SBK3: variants seen among roughly 807,000 people sequenced by gnomAD.
SBK3 encodes uncharacterized serine/threonine-protein kinase SBK3.
A neutral mutation model predicts 12.7 loss-of-function variants in SBK3; 16 were observed. The ratio of observed to expected loss-of-function variants is 1.26; its 90% confidence interval spans 0.86 to 1.92. SBK3 has a LOEUF of 1.92. SBK3 is among the 40% of genes most tolerant of loss of function. SBK3 has a pLI of 0.00. For missense variants in SBK3, 462 were observed against 481.8 expected (o/e 0.96, Z 0.38); for synonymous variants, 217 against 213.6 (o/e 1.02, Z -0.14).
chr19:55,544,447 CCTT>C, intron 2 of SBK3, 145 bp from the exon 3 acceptor site: 1 of 713,188 alleles, frequency 1.4e-6, no homozygotes, highest in Admixed American at 2.9e-5. Context: ...TGGGAGGAGA[CCTT>C]CTTTGAAGAC....
chr19:55,544,562 C>T (rs909162204), intron 2 of SBK3, among the ~76,000 whole-genome samples: 4 of 152,192 alleles, frequency 2.6e-5, no homozygotes, highest in African/African-American at 9.6e-5. Flanking sequence ...ACGGTGGTGA[C>T]TTGGGTTCCA....
At chr19:55,543,081 C>A (rs1988597638) in intron 3 of SBK3, among the ~76,000 whole-genome samples, 1 of 139,016 alleles carries the variant, frequency 7.2e-6, no homozygotes. Context: ...ACTCACCCAC[C>A]AAACCTTTCA....
In SBK3 at chr19:55,540,699, C is replaced by T. The variant is rs553243803; in HGVS notation, c.*147G>A. ...TGGGTCCTCAGTTGGAAGAGGAATGCGCGTCCAAGCCCAGCGTTCCGTAGG... is the reference window on the plus strand; with the variant it reads ...TGGGTCCTCAGTTGGAAGAGGAATGTGCGTCCAAGCCCAGCGTTCCGTAGG... On this transcript the variant is annotated 3_prime_UTR_variant, in exon 4 of 4. Transcript: ENST00000612221. 6.9e-4 allele frequency: 506 copies of T among 730,214 alleles called. No homozygotes were observed. Among genetic ancestry groups the T allele is most frequent in the Non-Finnish European group, 9.6e-4 (403 of 419,304 alleles). 45.2% of individuals were successfully genotyped at this position (730,214 alleles called of 1,614,324 possible). A position where few individuals can be genotyped will look rare whatever the true frequency, so the allele number is the denominator to read the frequency against.
At chr19:55,544,020 G>C in intron 3 of SBK3, 80 bp downstream of exon 3, 1 of 1,249,698 alleles carries the variant, frequency 8.0e-7, no homozygotes. Flanking sequence ...TTTGGGGTCA[G>C]AGTTGGAGAC....
chr19:55,542,581 TTCC>T (rs1416621478), intron 3 of SBK3, among the ~76,000 whole-genome samples: 2 of 132,454 alleles, frequency 1.5e-5, no homozygotes, highest in Non-Finnish European at 3.2e-5. Context: ...CAATCCTTCC[TTCC>T]GTCCATCCAT....
chr19:55,544,150 C>T lies in SBK3; in HGVS notation c.349G>A (p.Ala117Thr), dbSNP rs537976523. 5.4e-5 allele frequency: 83 copies of T among 1,534,288 alleles called. No homozygotes were observed. The highest frequency in any genetic ancestry group is 3.8e-4 in the South Asian group (32 of 83,920). The change falls in exon 3 of 4, where the codon GCC becomes ACC. Residue 117 changes from alanine to threonine, a missense_variant. Transcript: ENST00000612221. ...PLQTPRYFAF[A>T]QEYAPCGDLS... ...TCCCCACAGGGCGCGTACTCCTGGG[C>T]GAAGGCAAAATAGCGGGGGGTCTGT...
chr19:55,545,356 A>T lies in SBK3; in HGVS notation c.45+143T>A, dbSNP rs1472733305. On this transcript the variant is annotated intron_variant, in intron 1 of 3. Transcript: ENST00000612221. This position sits in a 1 kb window ranked among gnomAD's most constrained non-coding sequence, Gnocchi z 4.4. ...CGCTGTGTGTCCTTGGATCTCTGTC[A>T]TCCTCTCTCCCTGGGTCTGGGTCTC... 12 of 668,646 alleles carry T rather than the reference A, an allele frequency of 1.8e-5. No individual in the cohort carries two copies. Among genetic ancestry groups the T allele is most frequent in the Non-Finnish European group, 1.8e-5 (7 of 392,816 alleles). The allele number at this position is 668,646 out of a possible 1,614,324, so 41.4% of individuals were successfully genotyped here.
In SBK3 at chr19:55,544,848, C is replaced by T. The variant is rs1297362992; in HGVS notation, c.147G>A (p.Leu49=). 9 of 1,532,342 alleles carry T rather than the reference C, an allele frequency of 5.9e-6. No homozygotes were observed. The highest frequency in any genetic ancestry group is 3.9e-4 in the Middle Eastern group (2 of 5,064). 94.9% of individuals were successfully genotyped at this position (1,532,342 alleles called of 1,614,324 possible). A position where few individuals can be genotyped will look rare whatever the true frequency, so the allele number is the denominator to read the frequency against. Residue 49 remains leucine, a synonymous_variant, in exon 2 of 4, where the codon CTG becomes CTA. Transcript: ENST00000612221. Reference sequence around the variant, plus strand: ...GCACGCGGCCGTAGGAGCCGGAGCCCAGCTTCCGGATGAGGTGGTACTGGT... The same window carrying T: ...GCACGCGGCCGTAGGAGCCGGAGCCTAGCTTCCGGATGAGGTGGTACTGGT... ...LRDQYHLIRK[L]GSGSYGRVLL...
rs575667889 is a variant in SBK3, at chr19:55,541,119, TGGTGGCTGA to T, written c.798_806del (p.Gln267_Pro269del). Reference sequence around the variant, plus strand: ...GGGGCGCAAACTGGTCCCAGGGTGGTGGTGGCTGAGGTGGCTGAGGCTTGGTGGTCACCC... The same window carrying T: ...GGGGCGCAAACTGGTCCCAGGGTGGTGGTGGCTGAGGCTTGGTGGTCACCC... On this transcript the variant is annotated inframe_deletion, in exon 4 of 4. Coordinates refer to ENST00000612221, the MANE Select transcript of SBK3 (RefSeq NM_001199824.2). The surrounding 1 kb of genome is among the most constrained non-coding windows in gnomAD (Gnocchi z 5.3). 92 of 1,535,658 alleles carry T rather than the reference TGGTGGCTGA, an allele frequency of 6.0e-5. No individual in the cohort carries two copies. The highest frequency in any genetic ancestry group is 3.1e-4 in the South Asian group (26 of 84,024).
intron 3 of SBK3, among the ~76,000 whole-genome samples, chr19:55,542,809 T>TGTCGATCCATCCATCC (rs1988585892): frequency 1.3e-5 from 1 of 76,480 alleles, no homozygotes; most frequent in Non-Finnish European, 2.6e-5. Context: ...TCCTTCCTTC[T>TGTCGATCCATCCATCC]ATCGATCCAT....
In SBK3 at chr19:55,545,536, C is replaced by A. The variant is rs1165967134; in HGVS notation, c.8G>T (p.Arg3Leu). The change falls in exon 1 of 4, where the codon CGC becomes CTC. Residue 3 changes from arginine (R) to leucine (L), a missense_variant. Physicochemically the swap from Arg to Leu is moderately radical, Grantham distance 102 (BLOSUM62 -2). Coordinates refer to ENST00000612221, the MANE Select transcript of SBK3 (RefSeq NM_001199824.2). The surrounding 1 kb of genome is among the most constrained non-coding windows in gnomAD (Gnocchi z 4.4). Reference protein sequence around the residue: MERRASETPEDGD... With the variant: MELRASETPEDGD... ...ATCCTCAGGGGTCTCGGAGGCCCTGCGCTCCATCTCAGGGCTTCCTGATGT... is the reference window on the plus strand; with the variant it reads ...ATCCTCAGGGGTCTCGGAGGCCCTGAGCTCCATCTCAGGGCTTCCTGATGT... 2 of 1,534,804 alleles carry A rather than the reference C, an allele frequency of 1.3e-6. No homozygotes were observed. The highest frequency in any genetic ancestry group is 1.7e-6 in the Non-Finnish European group (2 of 1,146,160).
In SBK3 at chr19:55,545,358, C is replaced by T; in HGVS notation, c.45+141G>A. 2 of 674,408 alleles carry T rather than the reference C, an allele frequency of 3.0e-6. No homozygotes were observed. The highest frequency in any genetic ancestry group is 5.0e-6 in the Non-Finnish European group (2 of 396,620). The allele number at this position is 674,408 out of a possible 1,614,324, so 41.8% of individuals were successfully genotyped here. The stretch of plus-strand genomic sequence containing the variant: ...CTGTGTGTCCTTGGATCTCTGTCAT[C>T]CTCTCTCCCTGGGTCTGGGTCTCTG... On this transcript the variant is annotated intron_variant, in intron 1 of 3. Coordinates refer to ENST00000612221, the MANE Select transcript of SBK3 (RefSeq NM_001199824.2). This position sits in a 1 kb window ranked among gnomAD's most constrained non-coding sequence, Gnocchi z 4.4.
chr19:55,541,205 G>C lies in SBK3; in HGVS notation c.721C>G (p.Pro241Ala), dbSNP rs1988553897. 1 of 1,536,124 alleles carries C rather than the reference G, an allele frequency of 6.5e-7. No individual in the cohort carries two copies. The highest frequency in any genetic ancestry group is 1.7e-4 in the Middle Eastern group (1 of 5,990). Residue 241 changes from proline (P) to alanine (A), a missense_variant, in exon 4 of 4, where the codon CCT (proline) becomes GCT (alanine). Coordinates refer to ENST00000612221, the MANE Select transcript of SBK3 (RefSeq NM_001199824.2). This position sits in a 1 kb window ranked among gnomAD's most constrained non-coding sequence, Gnocchi z 5.3. ...LLFCAATACF[P>A]WDVALAPNPE... ...TTGGGGGCCAGTGCCACGTCCCAAG[G>C]GAAACAGGCAGTGGCAGCACAGAAG...
In SBK3 at chr19:55,541,404, C is replaced by T. The variant is rs654439; in HGVS notation, c.522G>A (p.Pro174=). ...VKPDNVLVFD[P]VCSRVALGDL... ...CTCCCAGGGCCACACGGCTGCAGAC[C>T]GGGTCGAAGACCAGCACGTTGTCAG... The change falls in exon 4 of 4, where the codon CCG becomes CCA. Residue 174 remains proline, a synonymous_variant. Coordinates refer to ENST00000612221, the MANE Select transcript of SBK3 (RefSeq NM_001199824.2). The surrounding 1 kb of genome is among the most constrained non-coding windows in gnomAD (Gnocchi z 5.3). The T allele has an allele frequency of 0.87, 1,337,467 of 1,535,654 alleles. 584,638 individuals are homozygous for T. Among genetic ancestry groups the T allele is most frequent in the Non-Finnish European group, 0.89 (1,018,409 of 1,146,774 alleles).
rs747866651 is a variant in SBK3, at chr19:55,545,453, CCTT to C, written c.45+43_45+45del. The stretch of plus-strand genomic sequence containing the variant: ...CCCGTGTTGCCTCCTGCCTCTCTCT[CCTT>C]CTTTTCTCTCTCTGTCTTCCTCCCC... On this transcript the variant is annotated intron_variant, in intron 1 of 3. Coordinates refer to ENST00000612221, the MANE Select transcript of SBK3 (RefSeq NM_001199824.2). This position sits in a 1 kb window ranked among gnomAD's most constrained non-coding sequence, Gnocchi z 4.4. 3.5e-4 allele frequency: 513 copies of C among 1,453,710 alleles called. 1 individual carries two copies. Among genetic ancestry groups the C allele is most frequent in the Non-Finnish European group, 4.3e-4 (467 of 1,074,378 alleles). 90.1% of individuals were successfully genotyped at this position (1,453,710 alleles called of 1,614,324 possible).
chr19:55,544,070 A>T, intron 3 of SBK3, 30 bp downstream of exon 3: 3 of 1,429,500 alleles, frequency 2.1e-6, no homozygotes, highest in Non-Finnish European at 2.7e-6. Context: ...TGGGATAAGC[A>T]CTCCCAACCT....
intron 2 of SBK3, 28 bp downstream of exon 2, chr19:55,544,771 G>C (rs1259671457): frequency 1.4e-6 from 2 of 1,464,238 alleles, no homozygotes; most frequent in Non-Finnish European, 1.8e-6. Flanking sequence ...GGCAGTTGGG[G>C]AGGCTGCCCT....
At position 55,541,239 on chromosome 19, in the gene SBK3, C is replaced by G; in HGVS notation, c.687G>C (p.Gly229=). The G allele has an allele frequency of 6.5e-7, 1 of 1,536,066 alleles. No homozygotes were observed. Among genetic ancestry groups the G allele is most frequent in the Non-Finnish European group, 8.7e-7 (1 of 1,146,892 alleles). ...LRPAVDSWGL[G]VLLFCAATAC... ...CAGTGGCAGCACAGAAGAGAAGCACCCCCAGGCCCCAGGAGTCCACGGCTG... is the reference window on the plus strand; with the variant it reads ...CAGTGGCAGCACAGAAGAGAAGCACGCCCAGGCCCCAGGAGTCCACGGCTG... Residue 229 remains glycine, a synonymous_variant, in exon 4 of 4, where the codon GGG becomes GGC. Transcript: ENST00000612221. This position sits in a 1 kb window ranked among gnomAD's most constrained non-coding sequence, Gnocchi z 5.3.
intron 2 of SBK3, 53 bp from the exon 3 acceptor site, chr19:55,544,355 G>A (rs1988626401): frequency 1.5e-6 from 2 of 1,374,398 alleles, no homozygotes; most frequent in Non-Finnish European, 9.9e-7. Flanking sequence ...TCCTGCTGTG[G>A]GGCCTGAGGG....
Sources: gnomAD v4.1 joint callset for allele counts (sites outside exome capture counted in the v4.1 genomes callset) on GRCh38, gnomAD v4.1.1 for gene constraint, Gnocchi (gnomAD v3.1) non-coding constraint, MANE v1.5 for transcripts, NCBI Gene and HGNC (gene_info 2026-07-23, HGNC 2026-07-21) for gene names.